The following DPP6 variants were observed in gnomAD, a reference collection of about 807,000 sequenced individuals.
DPP6 encodes dipeptidyl peptidase like 6.
Under a neutral mutation model 122.6 loss-of-function variants are expected in DPP6, and 69 were observed. The ratio of observed to expected loss-of-function variants is 0.56; its 90% CI spans 0.46 to 0.69. The LOEUF (loss-of-function observed/expected upper bound fraction) is 0.69, where lower values mean the gene tolerates loss of function less well. Among genes scored for constraint, DPP6 ranks in the 30% least tolerant of loss-of-function variants. The probability of loss-of-function intolerance (pLI) is 0.00; values close to 1 mark genes in which losing one functional copy is unlikely to be tolerated. For synonymous variants in DPP6, 418 were observed against 433.1 expected, an observed-to-expected ratio of 0.97 and a Z score of 0.43; for missense variants, 928 against 1,116.9, an observed-to-expected ratio of 0.83 and a Z score of 2.41.
At chr7:154,507,119 C>A (rs905416773) in intron 3 of DPP6, among the ~76,000 whole-genome samples, 2 of 152,086 alleles carry the variant, frequency 1.3e-5, no homozygotes, top group Non-Finnish European at 2.9e-5. Context: ...TGTTAAGCAG[C>A]AACTGTATGC....
intron 1 of DPP6, among the ~76,000 whole-genome samples, chr7:153,943,616 T>C (rs1801799461): frequency 6.6e-6 from 1 of 152,280 alleles, no homozygotes; most frequent in South Asian, 2.1e-4. Flanking sequence ...CTTTCCAGTG[T>C]CAATCTCAGT....
At chr7:153,918,565 AGTCT>A (rs1214401707) in intron 1 of DPP6, among the ~76,000 whole-genome samples, 244 of 57,496 alleles carry the variant, frequency 4.2e-3, no homozygotes, top group African/African-American at 0.011. Flanking sequence ...ACACACACAC[AGTCT>A]CTCTCTCTCT....
At chr7:154,172,368 G>A (rs2150730789) in intron 1 of DPP6, among the ~76,000 whole-genome samples, 1 of 152,326 alleles carries the variant, frequency 6.6e-6, no homozygotes, top group Non-Finnish European at 1.5e-5. Flanking sequence ...GACTTGAGCA[G>A]CCTGCCCCGC....
Position 154,251,773 on chromosome 7 carries a change from G to A in DPP6, c.244-194441G>A, listed in dbSNP as rs541409330. On this transcript the variant is annotated intron_variant, in intron 1 of 25. Coordinates refer to ENST00000377770, the MANE Select transcript of DPP6 (RefSeq NM_130797.4). ...TGAAGGCCGGAAGTCTCAGCAAGTC[G>A]GCTTCTCCCACCTTCTCCTGCCTGC... 1.0e-4 allele frequency among the ~76,000 whole-genome samples: 15 copies of A among 143,610 alleles called. 1 individual carries two copies. In the South Asian group the frequency reaches 2.5e-3, roughly 24 times the overall value. The allele number at this position is 143,610 out of a possible 152,430, so 94.2% of individuals were successfully genotyped here. A position where few individuals can be genotyped will look rare whatever the true frequency, so the allele number is the denominator to read the frequency against.
At chr7:153,755,999 C>T in the DPP6 span, among the ~76,000 whole-genome samples, 1 of 152,202 alleles carries the variant, frequency 6.6e-6, no homozygotes, top group Non-Finnish European at 1.5e-5. Flanking sequence ...TCTTTTCTCA[C>T]ACACTTGGCT....
At chr7:154,162,689 G>A (rs1797043456) in intron 1 of DPP6, among the ~76,000 whole-genome samples, 1 of 152,126 alleles carries the variant, frequency 6.6e-6, no homozygotes, top group Admixed American at 6.5e-5. Context: ...TGTTGCTAGT[G>A]TTGAGTGGAA....
At chr7:154,279,145 G>T (rs1804341602) in intron 1 of DPP6, among the ~76,000 whole-genome samples, 1 of 151,926 alleles carries the variant, frequency 6.6e-6, no homozygotes, top group African/African-American at 2.4e-5. Context: ...ATCTATGTGT[G>T]TGTGCAGTTT....
chr7:153,833,636 T>C, the DPP6 span, among the ~76,000 whole-genome samples: 24 of 150,924 alleles, frequency 1.6e-4, no homozygotes, highest in Non-Finnish European at 3.1e-4. Flanking sequence ...GGAGTGTCAC[T>C]GCACTCCAGC....
intron 1 of DPP6, among the ~76,000 whole-genome samples, chr7:154,270,590 G>A (rs1563395451): frequency 2.0e-5 from 3 of 152,162 alleles, no homozygotes; most frequent in African/African-American, 7.2e-5. Context: ...CTGTTCAGAA[G>A]CACATGGGTC....
rs1819717533 is a variant in DPP6, at chr7:154,444,872, G to A, written c.244-1342G>A. On this transcript the variant is annotated intron_variant, in intron 1 of 25. Coordinates refer to ENST00000377770, the MANE Select transcript of DPP6 (RefSeq NM_130797.4). ...TGTAACTTTCTGTAGCTGTTTTGTT[G>A]CTCACGGATAGTCTTACTTTTTAAG... 2.0e-5 allele frequency among the ~76,000 whole-genome samples: 3 copies of A among 152,196 alleles called. No homozygotes were observed. In the South Asian group the frequency reaches 6.2e-4, roughly 32 times the overall value.
intron 1 of DPP6, among the ~76,000 whole-genome samples, chr7:154,260,520 T>C (rs1563380989): frequency 6.6e-6 from 1 of 151,914 alleles, no homozygotes; most frequent in Non-Finnish European, 1.5e-5. Flanking sequence ...CCTCATAGCT[T>C]AGCTCCCATT....
At chr7:154,311,258 C>G (rs1280491959) in intron 1 of DPP6, among the ~76,000 whole-genome samples, 2 of 152,004 alleles carry the variant, frequency 1.3e-5, no homozygotes, top group Non-Finnish European at 2.9e-5. Flanking sequence ...TTTGGGAGGC[C>G]GACGAGAGAG....
At chr7:153,800,574 C>T in the DPP6 span, among the ~76,000 whole-genome samples, 2 of 152,044 alleles carry the variant, frequency 1.3e-5, no homozygotes, top group Non-Finnish European at 2.9e-5. Flanking sequence ...TGGAATGTAG[C>T]GGCACCATCT....
the DPP6 span, among the ~76,000 whole-genome samples, chr7:153,805,449 C>A: frequency 6.6e-6 from 1 of 152,154 alleles, no homozygotes; most frequent in Non-Finnish European, 1.5e-5. Context: ...AGAGTGGCAA[C>A]GTTTGTTTAA....
chr7:154,130,466 T>G (rs924769887), intron 1 of DPP6, among the ~76,000 whole-genome samples: 44 of 152,324 alleles, frequency 2.9e-4, no homozygotes, highest in African/African-American at 1.0e-3. Context: ...GTGAGAATGC[T>G]CTCACTTAAC....
chr7:154,358,734 C>G (rs1176574180), intron 1 of DPP6, among the ~76,000 whole-genome samples: 1 of 152,122 alleles, frequency 6.6e-6, no homozygotes, highest in African/African-American at 2.4e-5. Context: ...GAGATGAAGT[C>G]TAGCTCTGTC....
chr7:154,328,175 C>G (rs576890454), intron 1 of DPP6, among the ~76,000 whole-genome samples: 1 of 152,078 alleles, frequency 6.6e-6, no homozygotes, highest in Non-Finnish European at 1.5e-5. Flanking sequence ...GTTGCTTGGC[C>G]CACACCCTGA....
intron 5 of DPP6, chr7:154,588,041 A>G (rs563090997): frequency 6.2e-7 from 1 of 1,610,992 alleles, no homozygotes; most frequent in East Asian, 2.2e-5. Context: ...GGGATAATGC[A>G]CAGCAGCTAC....
intron 6 of DPP6, among the ~76,000 whole-genome samples, chr7:154,649,786 A>G (rs2130986037): frequency 6.6e-6 from 1 of 152,308 alleles, no homozygotes; most frequent in Admixed American, 6.5e-5. Flanking sequence ...GGAACTTTCT[A>G]AATGACATAT....
Sources: gnomAD v4.1 joint callset for allele counts (sites outside exome capture counted in the v4.1 genomes callset) on GRCh38, gnomAD v4.1.1 for gene constraint, MANE v1.5 for transcripts, NCBI Gene and HGNC (gene_info 2026-07-23, HGNC 2026-07-21) for gene names.